PRKAG2: variants seen among roughly 807,000 people sequenced by gnomAD.
The protein encoded by PRKAG2 is protein kinase AMP-activated non-catalytic subunit gamma 2.
PRKAG2 carries 26 observed loss-of-function variants against 69.6 expected under a neutral mutation model. The ratio of observed to expected loss-of-function variants is 0.37; its 90% CI spans 0.27 to 0.52. PRKAG2 has a LOEUF of 0.52. Ranked by LOEUF, PRKAG2 falls within the 20% of genes least tolerant of loss-of-function variation. The pLI is 0.90. For synonymous variants in PRKAG2, 293 were observed against 285.0 expected, an observed-to-expected ratio of 1.03 and a Z score of -0.28; for missense variants, 557 against 740.0, an observed-to-expected ratio of 0.75 and a Z score of 2.87.
chr7:151,620,881 AC>A (rs1563275866), intron 5 of PRKAG2, among the ~76,000 whole-genome samples: 1 of 151,862 alleles, frequency 6.6e-6, no homozygotes, highest in African/African-American at 2.4e-5. Context: ...CAAGTGATTC[AC>A]CCACCTTGGC....
At chr7:151,744,884 G>A (rs1001117) in intron 3 of PRKAG2, among the ~76,000 whole-genome samples, 48,823 of 152,088 alleles carry the variant, frequency 0.32, 7,939 homozygotes, top group African/African-American at 0.35. Flanking sequence ...GACTTTGCCC[G>A]CAGCAGTTTC....
At chr7:151,751,119 A>G (rs1314512846) in intron 3 of PRKAG2, among the ~76,000 whole-genome samples, 6 of 126,334 alleles carry the variant, frequency 4.7e-5, no homozygotes, top group Non-Finnish European at 8.0e-5. Flanking sequence ...TTTTTTTGAG[A>G]CGGAGTCTCA....
intron 1 of PRKAG2, among the ~76,000 whole-genome samples, chr7:151,861,159 A>G (rs1432324935): frequency 6.6e-6 from 1 of 152,220 alleles, no homozygotes; most frequent in East Asian, 1.9e-4. Context: ...AAGGAGACCT[A>G]TTGAACAAAT....
rs192801147 is a variant in PRKAG2 at position 151,567,521 on chromosome 7, C to T, written c.1233+1195G>A. On this transcript the variant is annotated intron_variant, in intron 11 of 15. Transcript: ENST00000287878. The surrounding 1 kb of genome is among the most constrained non-coding windows in gnomAD (Gnocchi z 4.2). ...ACGTGGGGGCCCTGAATACATCCTT[C>T]CCACCCCATGCTCCCTCTGTTCCTA... is the stretch of plus-strand genomic sequence containing the variant. Among the ~76,000 whole-genome samples, 1 of 152,054 alleles carries T rather than the reference C, an allele frequency of 6.6e-6. No homozygotes were observed. The highest frequency in any genetic ancestry group is 1.5e-5 in the Non-Finnish European group (1 of 68,000).
chr7:151,731,322 T>C (rs928284750), intron 3 of PRKAG2, among the ~76,000 whole-genome samples: 1 of 152,220 alleles, frequency 6.6e-6, no homozygotes, highest in Admixed American at 6.5e-5. Flanking sequence ...CCTCCCTGCC[T>C]GGCTCTGCAG....
At chr7:151,775,374 G>A (rs1218281148) in intron 3 of PRKAG2, among the ~76,000 whole-genome samples, 1 of 152,222 alleles carries the variant, frequency 6.6e-6, no homozygotes, top group African/African-American at 2.4e-5. Flanking sequence ...GACTTCTCTG[G>A]ATCTCTTGGA....
At chr7:151,870,658 A>G (rs2080199505) in intron 1 of PRKAG2, among the ~76,000 whole-genome samples, 1 of 151,794 alleles carries the variant, frequency 6.6e-6, no homozygotes, top group Admixed American at 6.6e-5. Flanking sequence ...TCCCCTTCCC[A>G]CCCTCATCCT....
chr7:151,757,588 G>A (rs1262153239), intron 3 of PRKAG2, among the ~76,000 whole-genome samples: 2 of 152,176 alleles, frequency 1.3e-5, no homozygotes, highest in East Asian at 1.9e-4. Flanking sequence ...TCTTGGAAAC[G>A]GACAGGGGGA....
chr7:151,557,074 G>C lies in PRKAG2; in HGVS notation c.*127C>G, dbSNP rs189787963. ...TTTTAAGCTTAATTTCAACATCACT[G>C]GAAGAAATACCTATTGTTAAACCCT... On this transcript the variant is annotated 3_prime_UTR_variant, in exon 16 of 16. Coordinates refer to ENST00000287878, the MANE Select transcript of PRKAG2 (RefSeq NM_016203.4). 3.3e-3 allele frequency: 4,810 copies of C among 1,455,296 alleles called. 30 individuals carry two copies. The highest frequency in any genetic ancestry group is 3.0e-3 in the Non-Finnish European group (3,116 of 1,043,112). 90.1% of individuals were successfully genotyped at this position (1,455,296 alleles called of 1,614,324 possible).
chr7:151,826,019 C>T (rs1252405890), intron 1 of PRKAG2, among the ~76,000 whole-genome samples: 2 of 152,122 alleles, frequency 1.3e-5, no homozygotes, highest in African/African-American at 4.8e-5. Context: ...TGAAGAAGCC[C>T]CTCCATCCCA....
rs1043477381 is a variant in PRKAG2 at position 151,699,351 on chromosome 7, G to A, written c.467-23714C>T. 1.9e-4 allele frequency among the ~76,000 whole-genome samples: 29 copies of A among 152,222 alleles called. No homozygotes were observed. Among genetic ancestry groups the A allele is most frequent in the Admixed American group, 5.2e-4 (8 of 15,288 alleles). On this transcript the variant is annotated intron_variant, in intron 3 of 15. Transcript: ENST00000287878. This position sits in a 1 kb window ranked among gnomAD's most constrained non-coding sequence, Gnocchi z 4.5. ...CTCCGGGAGATGCTGACTGCTGGCC[G>A]GATGCCTGTGTGGTTACGATCCGGT...
At chr7:151,666,342 A>C (rs1000745896) in intron 4 of PRKAG2, among the ~76,000 whole-genome samples, 11 of 152,200 alleles carry the variant, frequency 7.2e-5, no homozygotes, top group Non-Finnish European at 1.5e-4. Flanking sequence ...AGGAGCTGCC[A>C]AGGATGAAAG....
intron 1 of PRKAG2, among the ~76,000 whole-genome samples, chr7:151,875,263 C>G (rs1332162462): frequency 4.0e-5 from 6 of 150,984 alleles, no homozygotes; most frequent in Non-Finnish European, 7.4e-5. Context: ...TACTTGGCAT[C>G]AGGTGTCTGG....
chr7:151,565,904 C>G lies in PRKAG2; in HGVS notation c.1234-19G>C. The G allele has an allele frequency of 6.2e-7, 1 of 1,608,834 alleles. No individual in the cohort carries two copies. ...CAGACATCTAAACGGAAGATAAACG[C>G]AAACGTTCTAGACCCAGAACACACT... is the stretch of plus-strand genomic sequence containing the variant. On this transcript the variant is annotated intron_variant, in intron 11 of 15. Coordinates refer to ENST00000287878, the MANE Select transcript of PRKAG2 (RefSeq NM_016203.4).
chr7:151,813,492 G>GTA (rs768582354), intron 1 of PRKAG2, among the ~76,000 whole-genome samples: 13 of 137,992 alleles, frequency 9.4e-5, no homozygotes, highest in Non-Finnish European at 1.4e-4. Context: ...CGATTGTAAG[G>GTA]AAAAAAAAAA....
rs1324485868 is a variant in PRKAG2 at position 151,556,358 on chromosome 7, C to T, written c.*843G>A. The T allele has an allele frequency of 6.6e-6, 1 of 152,594 alleles. No homozygotes were observed. Among genetic ancestry groups the T allele is most frequent in the African/African-American group, 2.4e-5 (1 of 41,438 alleles). 9.5% of individuals were successfully genotyped at this position (152,594 alleles called of 1,614,324 possible). The stretch of plus-strand genomic sequence containing the variant: ...AACATCATGATTTTACATTTCAATA[C>T]ACAAGAAAAAAAATAGACATCTTCC... On this transcript the variant is annotated 3_prime_UTR_variant, in exon 16 of 16. Transcript: ENST00000287878.
intron 5 of PRKAG2, among the ~76,000 whole-genome samples, chr7:151,604,324 G>A (rs901359205): frequency 3.3e-5 from 5 of 152,222 alleles, no homozygotes; most frequent in Admixed American, 6.5e-5. Context: ...AGCGGTTATA[G>A]TTAAGCAGCC....
chr7:151,607,569 C>G (rs1269149835), intron 5 of PRKAG2, among the ~76,000 whole-genome samples: 1 of 152,022 alleles, frequency 6.6e-6, no homozygotes, highest in Non-Finnish European at 1.5e-5. Context: ...CCTGGCTGCT[C>G]GTGTCCTCCC....
chr7:151,754,932 G>C (rs2074975607), intron 3 of PRKAG2, among the ~76,000 whole-genome samples: 2 of 152,090 alleles, frequency 1.3e-5, no homozygotes, highest in South Asian at 4.1e-4. Context: ...CTATCTGCAG[G>C]AAGGGTCGCT....
Sources: allele counts gnomAD v4.1 joint callset (sites outside exome capture counted in the v4.1 genomes callset), GRCh38; gene constraint gnomAD v4.1.1; non-coding constraint Gnocchi (gnomAD v3.1); transcripts MANE v1.5; gene names NCBI Gene and HGNC (gene_info 2026-07-23, HGNC 2026-07-21).